RBBP6: variants seen among roughly 807,000 people sequenced by gnomAD.
RBBP6 encodes the protein RB binding protein 6, ubiquitin ligase.
In RBBP6, 25 loss-of-function variants were observed where a neutral mutation model predicts 167.7. That is an observed-to-expected ratio of 0.15 (90% CI 0.11 to 0.21). RBBP6 has a LOEUF of 0.21. RBBP6 is among the 10% of genes least tolerant of loss of function. The pLI, the probability that RBBP6 is intolerant of heterozygous loss-of-function variation, is 1.00. For synonymous variants in RBBP6, 789 were observed against 735.8 expected (o/e 1.07, Z -1.17); for missense variants, 1,868 against 2,134.2 (o/e 0.88, Z 2.46).
chr16:24,547,924 A>G (rs1044623591), intron 2 of RBBP6, among the ~76,000 whole-genome samples: 10 of 152,208 alleles, frequency 6.6e-5, no homozygotes, highest in African/African-American at 2.2e-4. Context: ...TGCCTCTTAC[A>G]CAGAATTATA....
In RBBP6 at chr16:24,564,788, C is replaced by G; in HGVS notation, c.1521-9C>G. 6.2e-7 allele frequency: 1 copy of G among 1,608,736 alleles called. No individual in the cohort carries two copies. Reference sequence around the variant, plus strand: ...AATACTTGAGCCTATTTTTTTTTCTCCCACACAGTTCCAACAAACTTGGCT... The same window carrying G: ...AATACTTGAGCCTATTTTTTTTTCTGCCACACAGTTCCAACAAACTTGGCT... On this transcript the variant is annotated splice_polypyrimidine_tract_variant and intron_variant, in intron 13 of 17. Transcript: ENST00000319715.
intron 7 of RBBP6, chr16:24,558,401 T>A: frequency 2.3e-6 from 2 of 852,036 alleles, no homozygotes; most frequent in Non-Finnish European, 2.8e-6. Flanking sequence ...TTTTTTTTCT[T>A]TTTTCTCTCT....
At chr16:24,549,831 C>G (rs1406350945) in intron 3 of RBBP6, among the ~76,000 whole-genome samples, 5 of 151,998 alleles carry the variant, frequency 3.3e-5, no homozygotes, top group Non-Finnish European at 7.4e-5. Context: ...CCATTGAAAG[C>G]TGTACCTTAT....
rs1899261143 is a variant in RBBP6, at chr16:24,569,016, T to G, written c.2326T>G (p.Phe776Val). 3 of 1,614,144 alleles carry G rather than the reference T, an allele frequency of 1.9e-6. No homozygotes were observed. Among genetic ancestry groups the G allele is most frequent in the Non-Finnish European group, 2.5e-6 (3 of 1,180,020 alleles). Reference protein sequence around the residue: ...YHSRSRSPQAFRGQSPNKRNV... With the variant: ...YHSRSRSPQAVRGQSPNKRNV... ...TTCACGATCAAGATCTCCTCAAGCGTTTAGGGGACAGTCTCCTAATAAACG... is the reference window on the plus strand; with the variant it reads ...TTCACGATCAAGATCTCCTCAAGCGGTTAGGGGACAGTCTCCTAATAAACG... Residue 776 changes from phenylalanine (F) to valine (V), a missense_variant, in exon 17 of 18, where the codon TTT (phenylalanine) becomes GTT (valine). Around this residue, in one of 7 missense-constraint regions of RBBP6, gnomAD observed 673 missense variants for 691.5 expected, o/e 0.97. Transcript: ENST00000319715.
intron 6 of RBBP6, 101 bp from the exon 7 acceptor site, chr16:24,556,207 C>T: frequency 1.0e-6 from 1 of 964,464 alleles, no homozygotes; most frequent in Non-Finnish European, 1.5e-6. Flanking sequence ...ATGTAAAGCA[C>T]TACAAGTAAT....
intron 2 of RBBP6, 32 bp downstream of exon 2, chr16:24,546,294 T>C (rs750683113): frequency 6.9e-5 from 104 of 1,502,376 alleles, no homozygotes; most frequent in Non-Finnish European, 8.9e-5. Flanking sequence ...TTTCTCAAAA[T>C]AGACTTTTTT....
chr16:24,559,395 T>C lies in RBBP6; in HGVS notation c.675-110T>C, dbSNP rs1898994014. 11 of 806,470 alleles carry C rather than the reference T, an allele frequency of 1.4e-5. No homozygotes were observed. The South Asian group carries it at 1.9e-4, about 14-fold the overall frequency. The allele number at this position is 806,470 out of a possible 1,614,324, so 50.0% of individuals were successfully genotyped here. A position where few individuals can be genotyped will look rare whatever the true frequency, so the allele number is the denominator to read the frequency against. On this transcript the variant is annotated intron_variant, in intron 7 of 17. Transcript: ENST00000319715. ...TAGAAGATATGGTGCTTGTCTAAAC[T>C]AATTTGGCATTGCGCTGAATTATGT...
In RBBP6 at chr16:24,569,381, C is replaced by T; in HGVS notation, c.2691C>T (p.Asn897=). The change falls in exon 17 of 18, where the codon AAC becomes AAT. Residue 897 remains asparagine (N), a synonymous_variant. Transcript: ENST00000319715. The part of the protein sequence containing the change: ...QSHRSRNIGS[N]YPEKLSARDG... ...ATAGAAGTCGAAACATAGGTAGCAA[C>T]TATCCAGAAAAGCTTTCAGCAAGAG... The T allele has an allele frequency of 1.2e-6, 2 of 1,613,986 alleles. No individual in the cohort carries two copies. The highest frequency in any genetic ancestry group is 1.7e-6 in the Non-Finnish European group (2 of 1,180,014).
chr16:24,558,968 CTT>C (rs1879050510), intron 7 of RBBP6, among the ~76,000 whole-genome samples: 1 of 152,174 alleles, frequency 6.6e-6, no homozygotes, highest in Non-Finnish European at 1.5e-5. Context: ...CTTGAACTAT[CTT>C]TCCTTAATTG....
intron 7 of RBBP6, chr16:24,558,622 C>T (rs1169391448): frequency 2.9e-5 from 18 of 631,464 alleles, no homozygotes; most frequent in Non-Finnish European, 3.6e-5. Context: ...AAGGGTTTCT[C>T]TAGGGATTCC....
intron 2 of RBBP6, among the ~76,000 whole-genome samples, 179 bp from the exon 3 acceptor site, chr16:24,548,766 C>T (rs1345239418): frequency 1.3e-5 from 2 of 151,992 alleles, no homozygotes; most frequent in Non-Finnish European, 2.9e-5. Flanking sequence ...TAAAACTGCT[C>T]AAAGGTGGTA....
At position 24,570,899 on chromosome 16, in the gene RBBP6, C is replaced by G. The variant is rs1227416608; in HGVS notation, c.3833C>G (p.Pro1278Arg). The G allele has an allele frequency of 5.1e-6, 8 of 1,574,540 alleles. No homozygotes were observed. The highest frequency in any genetic ancestry group is 6.9e-6 in the Non-Finnish European group (8 of 1,154,248). Residue 1278 changes from proline (P) to arginine (R), a missense_variant, in exon 18 of 18, where the codon CCT (proline) becomes CGT (arginine). Pro to Arg is a moderately radical substitution (Grantham distance 103, BLOSUM62 -2). This residue lies in a region of RBBP6 where 673 missense variants were observed against 691.5 expected (regional missense o/e 0.97). Transcript: ENST00000319715. ...YTSTSSTGGS[P>R]VRKSEEKTDT... Reference sequence around the variant, plus strand: ...AGTACGAGCTCAACTGGAGGCAGTCCTGTGCGGAAATCTGAAGAAAAAACA... The same window carrying G: ...AGTACGAGCTCAACTGGAGGCAGTCGTGTGCGGAAATCTGAAGAAAAAACA...
At chr16:24,562,806 GA>G in intron 10 of RBBP6, among the ~76,000 whole-genome samples, 1 of 152,198 alleles carries the variant, frequency 6.6e-6, no homozygotes, top group African/African-American at 2.4e-5. Flanking sequence ...TTATTTGGTT[GA>G]TAGTGGAAAT....
At position 24,567,413 on chromosome 16, in the gene RBBP6, G is replaced by A; in HGVS notation, c.1860G>A (p.Val620=). Residue 620 remains valine (V), a synonymous_variant, in exon 15 of 18, where the codon GTG becomes GTA. Transcript: ENST00000319715. ...CAACACCTTGGGTATCATCAGGAGT[G>A]CAGACAGCTCATTCAAATACCATCC... is the stretch of plus-strand genomic sequence containing the variant. ...NLSTPWVSSG[V]QTAHSNTIPT... is the part of the protein sequence containing the mutation. 6.2e-7 allele frequency: 1 copy of A among 1,614,164 alleles called. No homozygotes were observed. The highest frequency in any genetic ancestry group is 1.1e-5 in the South Asian group (1 of 91,092).
chr16:24,556,236 C>A, intron 6 of RBBP6, 72 bp from the exon 7 acceptor site: 1 of 1,260,042 alleles, frequency 7.9e-7, no homozygotes, highest in Non-Finnish European at 1.1e-6. Flanking sequence ...CACTGTATAA[C>A]ATTAGCTAAT....
intron 3 of RBBP6, 154 bp from the exon 4 acceptor site, chr16:24,553,359 A>C: frequency 1.8e-6 from 1 of 557,604 alleles, no homozygotes; most frequent in Non-Finnish European, 3.2e-6. Context: ...GAGAAGAATG[A>C]AGTAGGCTGA....
At chr16:24,564,485 G>A (rs529505892) in intron 13 of RBBP6, among the ~76,000 whole-genome samples, 2 of 152,142 alleles carry the variant, frequency 1.3e-5, no homozygotes, top group East Asian at 3.9e-4. Context: ...CAGACAAAAG[G>A]GCTCTTTTCC....
At chr16:24,556,576 C>A in intron 7 of RBBP6, 129 bp downstream of exon 7, 1 of 1,041,698 alleles carries the variant, frequency 9.6e-7, no homozygotes, top group Non-Finnish European at 1.3e-6. Flanking sequence ...CCATTAGTCT[C>A]TACATCTTGC....
intron 13 of RBBP6, among the ~76,000 whole-genome samples, chr16:24,564,067 A>G (rs1356701224): frequency 6.6e-6 from 1 of 152,154 alleles, no homozygotes; most frequent in African/African-American, 2.4e-5. Context: ...ATTTGAGTAC[A>G]TAAATACATA....
Sources: allele counts gnomAD v4.1 joint callset (sites outside exome capture counted in the v4.1 genomes callset), GRCh38; gene constraint gnomAD v4.1.1; regional missense constraint gnomAD v4.1.1; transcripts MANE v1.5; gene names NCBI Gene and HGNC (gene_info 2026-07-23, HGNC 2026-07-21).